Variants in MDFIC observed in about 807,000 individuals in gnomAD.
The protein encoded by MDFIC is myoD family inhibitor domain-containing protein.
Under a neutral mutation model 23.2 loss-of-function variants are expected in MDFIC, and 17 were observed. The ratio of observed to expected loss-of-function variants is 0.73; its 90% CI spans 0.50 to 1.10. The LOEUF (loss-of-function observed/expected upper bound fraction) is 1.10, where lower values mean the gene tolerates loss of function less well. Among genes scored for constraint, MDFIC ranks in the 50% least tolerant of loss-of-function variants. The probability of loss-of-function intolerance (pLI) is 0.00; values close to 1 mark genes in which losing one functional copy is unlikely to be tolerated. For synonymous variants in MDFIC, 120 were observed against 115.2 expected, an observed-to-expected ratio of 1.04 and a Z score of -0.27; for missense variants, 356 against 316.6, an observed-to-expected ratio of 1.12 and a Z score of -0.95.
intron 4 of MDFIC, among the ~76,000 whole-genome samples, 200 bp from the exon 5 acceptor site, chr7:115,015,488 A>G (rs1585125856): frequency 6.6e-6 from 1 of 152,154 alleles, no homozygotes; most frequent in East Asian, 1.9e-4. Flanking sequence ...TTTTTTTCGA[A>G]CTAAGTATCT....
chr7:114,965,702 C>T (rs542940093), intron 3 of MDFIC, among the ~76,000 whole-genome samples: 10 of 152,290 alleles, frequency 6.6e-5, no homozygotes, highest in African/African-American at 2.4e-4. Context: ...TGTATTCCCT[C>T]TCTGACATCT....
chr7:114,942,347 T>A lies in MDFIC; in HGVS notation c.167T>A (p.Met56Lys), dbSNP rs148824599. 2.6e-4 allele frequency: 415 copies of A among 1,607,018 alleles called. No homozygotes were observed. In the African/African-American group the frequency reaches 5.0e-3, roughly 19 times the overall value. ...AATAGCCACTTCACACATGGAGAGA[T>A]GCAAGACCAGTCCATTTGGGGAAAT... ...ATNSHFTHGE[M>K]QDQSIWGNPS... The change falls in exon 3 of 5, where the codon ATG (methionine) becomes AAG (lysine). Residue 56 changes from methionine (M) to lysine (K), a missense_variant. Transcript: ENST00000393486.
intron 4 of MDFIC, among the ~76,000 whole-genome samples, chr7:114,997,355 A>T (rs911409754): frequency 2.0e-5 from 3 of 151,736 alleles, no homozygotes; most frequent in Non-Finnish European, 4.4e-5. Flanking sequence ...AGGGGAGGAG[A>T]TTCATTACAA....
At chr7:114,930,627 G>A (rs1466721042) in intron 2 of MDFIC, among the ~76,000 whole-genome samples, 1 of 152,100 alleles carries the variant, frequency 6.6e-6, no homozygotes, top group South Asian at 2.1e-4. Context: ...ATGGAAAGAA[G>A]GCCTAATAAC....
chr7:114,955,130 T>C (rs191671272), intron 3 of MDFIC, among the ~76,000 whole-genome samples: 1 of 152,220 alleles, frequency 6.6e-6, no homozygotes, highest in Non-Finnish European at 1.5e-5. Flanking sequence ...TGTAATTTAT[T>C]TGTGCAATTC....
chr7:114,996,039 A>G (rs1791320229), intron 4 of MDFIC, among the ~76,000 whole-genome samples: 1 of 152,178 alleles, frequency 6.6e-6, no homozygotes. Flanking sequence ...CTAAGAACTG[A>G]CCAGATAATT....
At chr7:114,938,827 C>G (rs1032144539) in intron 2 of MDFIC, among the ~76,000 whole-genome samples, 1 of 152,146 alleles carries the variant, frequency 6.6e-6, no homozygotes, top group Non-Finnish European at 1.5e-5. Context: ...CAACTACAAA[C>G]CTCCATTATC....
chr7:114,962,431 T>A (rs1178216771), intron 3 of MDFIC, among the ~76,000 whole-genome samples: 1 of 152,218 alleles, frequency 6.6e-6, no homozygotes, highest in African/African-American at 2.4e-5. Flanking sequence ...TTCCCAGATA[T>A]ATAGACATTT....
At chr7:114,923,726 T>G (rs922107615) in intron 2 of MDFIC, 10 of 1,201,810 alleles carry the variant, frequency 8.3e-6, no homozygotes, top group African/African-American at 1.6e-5. Context: ...TATAAAATAC[T>G]CTTGTGTCTG....
chr7:114,962,922 A>G (rs1793023621), intron 3 of MDFIC, among the ~76,000 whole-genome samples: 1 of 152,236 alleles, frequency 6.6e-6, no homozygotes, highest in East Asian at 1.9e-4. Flanking sequence ...CAATTTCAAT[A>G]TAAATAAGTT....
intron 2 of MDFIC, among the ~76,000 whole-genome samples, chr7:114,928,740 T>C (rs535145819): frequency 1.3e-5 from 2 of 152,274 alleles, no homozygotes; most frequent in Non-Finnish European, 2.9e-5. Flanking sequence ...CAGGAACCAC[T>C]TGTGTTTTTA....
At chr7:114,989,181 T>C (rs1306373956) in intron 4 of MDFIC, among the ~76,000 whole-genome samples, 2 of 152,150 alleles carry the variant, frequency 1.3e-5, no homozygotes, top group African/African-American at 2.4e-5. Context: ...AATGATATCA[T>C]GAGGCAGGGA....
chr7:114,953,789 A>C (rs2115826681), intron 3 of MDFIC, among the ~76,000 whole-genome samples: 1 of 152,318 alleles, frequency 6.6e-6, no homozygotes, highest in East Asian at 1.9e-4. Context: ...CATATCTTCT[A>C]ATATACTTTA....
intron 3 of MDFIC, among the ~76,000 whole-genome samples, chr7:114,948,457 C>A (rs191282879): frequency 1.3e-5 from 2 of 151,928 alleles, no homozygotes; most frequent in African/African-American, 4.8e-5. Flanking sequence ...TTTTTGCATC[C>A]GATGTTCCTT....
intron 4 of MDFIC, chr7:115,014,143 C>T (rs1791742939): frequency 2.0e-6 from 2 of 985,354 alleles, no homozygotes; most frequent in Non-Finnish European, 2.4e-6. Context: ...TTTGTGTTTC[C>T]ACATTTTCTC....
intron 2 of MDFIC, chr7:114,923,483 C>A: frequency 1.3e-6 from 2 of 1,537,826 alleles, no homozygotes; most frequent in Non-Finnish European, 8.7e-7. Context: ...TCCAGGACTG[C>A]CGCAGCTCTC....
intron 2 of MDFIC, among the ~76,000 whole-genome samples, chr7:114,933,685 A>T (rs970743996): frequency 2.6e-5 from 4 of 152,188 alleles, no homozygotes; most frequent in African/African-American, 9.7e-5. Context: ...TAAGAAGGCT[A>T]TTGCGTCTAT....
Position 115,015,726 on chromosome 7 carries a change from G to T in MDFIC, c.532G>T (p.Glu178Ter), listed in dbSNP as rs147614154. 6.2e-7 allele frequency: 1 copy of T among 1,614,134 alleles called. No individual in the cohort carries two copies. Among genetic ancestry groups the T allele is most frequent in the Admixed American group, 1.7e-5 (1 of 60,012 alleles). The change falls in exon 5 of 5, where the codon GAA (glutamate) becomes TAA (stop). Residue 178 changes from glutamate to a stop codon, truncating the protein, a stop_gained. Transcript: ENST00000393486. LOFTEE classifies it high-confidence loss of function. ...CTGTATCCTGGCTTGCTTGTTCTGC[G>T]AATTCCTGACCCTTTGCAACATTGT... is the stretch of plus-strand genomic sequence containing the variant. ...VHCILACLFC[E>*]FLTLCNIVLG...
chr7:114,995,859 C>T (rs1585118303), intron 4 of MDFIC, among the ~76,000 whole-genome samples: 1 of 152,292 alleles, frequency 6.6e-6, no homozygotes, highest in South Asian at 2.1e-4. Context: ...AGAACCACTA[C>T]TTCAAAGCTC....
Sources: allele counts gnomAD v4.1 joint callset (sites outside exome capture counted in the v4.1 genomes callset), GRCh38; gene constraint gnomAD v4.1.1; transcripts MANE v1.5; gene names NCBI Gene and HGNC (gene_info 2026-07-23, HGNC 2026-07-21).